GRK5: variants seen among roughly 807,000 people sequenced by gnomAD.
GRK5 encodes g protein-coupled receptor kinase GRK5.
A neutral mutation model predicts 78.4 loss-of-function variants in GRK5; 40 were observed. That is an observed-to-expected ratio of 0.51 (90% CI 0.40 to 0.66). GRK5 has a LOEUF of 0.66. Among genes scored for constraint, GRK5 ranks in the 30% least tolerant of loss-of-function variants. The pLI is 0.00. For missense variants in GRK5, 598 were observed against 759.9 expected, an observed-to-expected ratio of 0.79 and a Z score of 2.50; for synonymous variants, 289 against 296.8, an observed-to-expected ratio of 0.97 and a Z score of 0.27.
intron 1 of GRK5, among the ~76,000 whole-genome samples, chr10:119,309,445 G>A (rs1850325627): frequency 1.3e-5 from 2 of 152,184 alleles, no homozygotes; most frequent in African/African-American, 4.8e-5. Flanking sequence ...TGTTGAGGGA[G>A]GTTGAATCAA....
At chr10:119,291,320 A>G (rs1849950140) in intron 1 of GRK5, among the ~76,000 whole-genome samples, 1 of 152,160 alleles carries the variant, frequency 6.6e-6, no homozygotes, top group South Asian at 2.1e-4. Context: ...AGACCCATTT[A>G]GCTACACCCA....
intron 1 of GRK5, among the ~76,000 whole-genome samples, chr10:119,295,775 A>G (rs751700539): frequency 2.6e-5 from 4 of 151,472 alleles, no homozygotes; most frequent in Non-Finnish European, 5.9e-5. Context: ...AGGCATAAGA[A>G]TGATACGATG....
chr10:119,396,540 G>T (rs1030745222), intron 3 of GRK5, among the ~76,000 whole-genome samples, 155 bp from the exon 4 acceptor site: 1 of 152,222 alleles, frequency 6.6e-6, no homozygotes, highest in Non-Finnish European at 1.5e-5. Flanking sequence ...TCGGGGCTCC[G>T]TGGCCAGGTC....
intron 1 of GRK5, among the ~76,000 whole-genome samples, chr10:119,273,392 C>T (rs1849616400): frequency 6.6e-6 from 1 of 152,192 alleles, no homozygotes. Flanking sequence ...GATAGCAGGT[C>T]AGCAGAGGGT....
At chr10:119,367,401 T>C (rs1014159202) in intron 2 of GRK5, among the ~76,000 whole-genome samples, 9 of 152,174 alleles carry the variant, frequency 5.9e-5, no homozygotes, top group African/African-American at 1.9e-4. Flanking sequence ...GGGGCCAAGC[T>C]GAGCAAAGAT....
At chr10:119,289,691 C>T (rs965159421) in intron 1 of GRK5, among the ~76,000 whole-genome samples, 5 of 152,206 alleles carry the variant, frequency 3.3e-5, no homozygotes, top group African/African-American at 1.2e-4. Context: ...CTTCCCGAGT[C>T]TCTCCTGGCC....
At chr10:119,325,464 G>C (rs1274799429) in intron 1 of GRK5, among the ~76,000 whole-genome samples, 1 of 152,124 alleles carries the variant, frequency 6.6e-6, no homozygotes, top group African/African-American at 2.4e-5. Context: ...TGACAGAGTG[G>C]AGGGGCTGCA....
At chr10:119,314,262 C>T (rs1031937991) in intron 1 of GRK5, among the ~76,000 whole-genome samples, 2 of 152,264 alleles carry the variant, frequency 1.3e-5, no homozygotes, top group African/African-American at 2.4e-5. Context: ...CCCCTCTCGC[C>T]GCCTCCTGGC....
intron 5 of GRK5, 82 bp downstream of exon 5, chr10:119,423,348 G>A: frequency 1.1e-6 from 1 of 921,710 alleles, no homozygotes. Context: ...ACCATACAGG[G>A]CACTGAGGCA....
At chr10:119,388,834 A>G (rs191532550) in intron 3 of GRK5, among the ~76,000 whole-genome samples, 111 of 152,334 alleles carry the variant, frequency 7.3e-4, no homozygotes, top group African/African-American at 2.5e-3. Flanking sequence ...ATCTGCATCC[A>G]CAGTTATTCA....
At chr10:119,406,472 C>T (rs1428408750) in intron 4 of GRK5, 1 of 944,280 alleles carries the variant, frequency 1.1e-6, no homozygotes, top group Non-Finnish European at 1.2e-6. Flanking sequence ...GCAAATGGCT[C>T]CCTTCCAAGT....
intron 1 of GRK5, among the ~76,000 whole-genome samples, chr10:119,318,679 C>T (rs1329505692): frequency 6.6e-6 from 1 of 152,126 alleles, no homozygotes; most frequent in East Asian, 1.9e-4. Flanking sequence ...GCTGACACTG[C>T]CACAGGGACA....
At chr10:119,285,096 G>A (rs1191892616) in intron 1 of GRK5, among the ~76,000 whole-genome samples, 1 of 152,184 alleles carries the variant, frequency 6.6e-6, no homozygotes, top group Non-Finnish European at 1.5e-5. Flanking sequence ...AAAGAGAGGA[G>A]GTCTCAGGGC....
intron 2 of GRK5, among the ~76,000 whole-genome samples, chr10:119,373,892 G>A (rs544971906): frequency 5.3e-5 from 8 of 152,206 alleles, no homozygotes; most frequent in East Asian, 3.9e-4. Flanking sequence ...CGTAGTCTGC[G>A]GAGGCTTTCA....
At chr10:119,268,744 A>G (rs1037552571) in intron 1 of GRK5, among the ~76,000 whole-genome samples, 1 of 152,224 alleles carries the variant, frequency 6.6e-6, no homozygotes, top group Non-Finnish European at 1.5e-5. Context: ...TCGTCATCTC[A>G]GGACACTGAG....
intron 1 of GRK5, among the ~76,000 whole-genome samples, chr10:119,278,920 C>T (rs1465770681): frequency 6.6e-6 from 1 of 152,176 alleles, no homozygotes; most frequent in East Asian, 1.9e-4. Flanking sequence ...CTCTGTTGCC[C>T]AGGCTGGAGT....
In GRK5 at chr10:119,431,868, G is replaced by C. The variant is rs530483991; in HGVS notation, c.738+341G>C. ...CAGGCTGGGAGCTGTGGGTTCCACAGACCCTCTAGGCTGGTGCCATCGTGG... is the reference window on the plus strand; with the variant it reads ...CAGGCTGGGAGCTGTGGGTTCCACACACCCTCTAGGCTGGTGCCATCGTGG... On this transcript the variant is annotated intron_variant, in intron 8 of 15. Coordinates refer to ENST00000392870, the MANE Select transcript of GRK5 (RefSeq NM_005308.3). The surrounding 1 kb of genome is among the most constrained non-coding windows in gnomAD (Gnocchi z 4.8). 6.6e-4 allele frequency among the ~76,000 whole-genome samples: 101 copies of C among 152,352 alleles called. 3 individuals are homozygous for C. In the South Asian group the frequency reaches 0.021, roughly 31 times the overall value.
At chr10:119,243,566 C>CTTTCTTTTTTT (rs751972415) in intron 1 of GRK5, among the ~76,000 whole-genome samples, 1 of 147,942 alleles carries the variant, frequency 6.8e-6, no homozygotes, top group Non-Finnish European at 1.5e-5. Flanking sequence ...CCCAGTTTTT[C>CTTTCTTTTTTT]TTTTTTTTTT....
chr10:119,327,058 G>A (rs940767636), intron 2 of GRK5, among the ~76,000 whole-genome samples: 4 of 152,034 alleles, frequency 2.6e-5, no homozygotes, highest in Non-Finnish European at 4.4e-5. Flanking sequence ...GCCCTCAGGG[G>A]GCAGCCCAGG....
Sources: gnomAD v4.1 joint callset for allele counts (sites outside exome capture counted in the v4.1 genomes callset) on GRCh38, gnomAD v4.1.1 for gene constraint, Gnocchi (gnomAD v3.1) non-coding constraint, MANE v1.5 for transcripts, NCBI Gene and HGNC (gene_info 2026-07-23, HGNC 2026-07-21) for gene names.